NLRC3: variants seen among roughly 807,000 people sequenced by gnomAD.
The protein encoded by NLRC3 is NLR family CARD domain containing 3.
In NLRC3, 87 loss-of-function variants were observed where a neutral mutation model predicts 91.6. The observed-to-expected ratio is 0.95, with a 90% CI of 0.80 to 1.14. NLRC3 has a LOEUF of 1.14. NLRC3 is among the 50% of genes most tolerant of loss of function. The pLI is 0.00. For synonymous variants in NLRC3, 694 were observed against 625.3 expected, an observed-to-expected ratio of 1.11 and a Z score of -1.64; for missense variants, 1,577 against 1,418.6, an observed-to-expected ratio of 1.11 and a Z score of -1.79.
chr16:3,563,294 T>C lies in NLRC3; in HGVS notation c.1643A>G (p.Glu548Gly), dbSNP rs200600306. 1.5e-3 allele frequency: 2,468 copies of C among 1,602,686 alleles called. No homozygotes were observed. The highest frequency in any genetic ancestry group is 2.0e-3 in the Non-Finnish European group (2,319 of 1,175,498). Reference protein sequence around the residue: ...EHQAYRTQVAELLQGCLRPDA... With the variant: ...EHQAYRTQVAGLLQGCLRPDA... The stretch of plus-strand genomic sequence containing the variant: ...GGGGCGCAGGCAGCCCTGCAGGAGC[T>C]CAGCCACCTGGGTCCGGTAGGCCTG... Residue 548 changes from glutamate to glycine, a missense_variant, in exon 5 of 20, where the codon GAG (glutamate) becomes GGG (glycine). Transcript: ENST00000359128.
intron 6 of NLRC3, 36 bp downstream of exon 6, chr16:3,561,666 C>T (rs2039617403): frequency 6.9e-7 from 1 of 1,442,486 alleles, no homozygotes; most frequent in African/African-American, 1.4e-5. Context: ...CCCACAAGAC[C>T]ATAGGCACCC....
Position 3,544,347 on chromosome 16 carries a change from C to G in NLRC3, c.2772-18G>C. 1 of 1,591,274 alleles carries G rather than the reference C, an allele frequency of 6.3e-7. No individual in the cohort carries two copies. The highest frequency in any genetic ancestry group is 1.1e-5 in the South Asian group (1 of 90,668). ...CCTGTAAACTAGACACAGAGTATGA[C>G]CCCTTTGGGTGCACGGGGCACAGGG... is the stretch of plus-strand genomic sequence containing the variant. On this transcript the variant is annotated intron_variant, in intron 15 of 19. Transcript: ENST00000359128.
chr16:3,566,249 G>A (rs1352317400), intron 2 of NLRC3, among the ~76,000 whole-genome samples: 1 of 151,978 alleles, frequency 6.6e-6, no homozygotes, highest in African/African-American at 2.4e-5. Context: ...GTCTGGGTGG[G>A]GGCAGGCATG....
At chr16:3,576,949 C>T (rs1396384190) in intron 1 of NLRC3, among the ~76,000 whole-genome samples, 200 bp downstream of exon 1, 2 of 152,232 alleles carry the variant, frequency 1.3e-5, no homozygotes, top group African/African-American at 2.4e-5. Context: ...GGATTACAGG[C>T]GTGAGCCACC....
intron 10 of NLRC3, among the ~76,000 whole-genome samples, chr16:3,551,699 C>G (rs890951463): frequency 6.7e-6 from 1 of 149,966 alleles, no homozygotes; most frequent in Admixed American, 6.6e-5. Context: ...ACTCATTCAT[C>G]CACTCAGTCA....
intron 1 of NLRC3, among the ~76,000 whole-genome samples, chr16:3,574,229 G>A (rs556146058): frequency 4.6e-5 from 7 of 151,952 alleles, no homozygotes; most frequent in Admixed American, 1.3e-4. Context: ...TGGCCAGGCT[G>A]GTCTTGAACT....
At chr16:3,566,596 A>G (rs1272045184) in intron 2 of NLRC3, among the ~76,000 whole-genome samples, 3 of 152,200 alleles carry the variant, frequency 2.0e-5, no homozygotes, top group African/African-American at 4.8e-5. Context: ...GTGGCAGCAC[A>G]TGCCTGTAAT....
In NLRC3 at chr16:3,563,755, G is replaced by A. The variant is rs549237515; in HGVS notation, c.1182C>T (p.Arg394=). Residue 394 remains arginine, a synonymous_variant, in exon 5 of 20, where the codon CGC becomes CGT. Transcript: ENST00000359128. The part of the protein sequence containing the change: ...PRIEQVAHGG[R]KMVGTLGRLA... Reference sequence around the variant, plus strand: ...GACGGCCCAATGTCCCCACCATCTTGCGGCCACCATGGGCCACCTGCTCGA... The same window carrying A: ...GACGGCCCAATGTCCCCACCATCTTACGGCCACCATGGGCCACCTGCTCGA... 3 of 1,613,444 alleles carry A rather than the reference G, an allele frequency of 1.9e-6. No homozygotes were observed. The highest frequency in any genetic ancestry group is 1.3e-5 in the African/African-American group (1 of 75,076).
chr16:3,553,781 G>A (rs771694210), intron 9 of NLRC3, among the ~76,000 whole-genome samples: 5 of 149,134 alleles, frequency 3.4e-5, no homozygotes, highest in Non-Finnish European at 5.9e-5. Context: ...TCTCGCTGTC[G>A]CCCAGGCTGG....
intron 1 of NLRC3, among the ~76,000 whole-genome samples, chr16:3,575,937 T>A (rs2040273575): frequency 6.6e-6 from 1 of 152,110 alleles, no homozygotes; most frequent in East Asian, 1.9e-4. Flanking sequence ...CAGGACTCGG[T>A]TCTCTCGAGG....
chr16:3,548,351 C>G (rs1179344937), intron 14 of NLRC3, 133 bp from the exon 15 acceptor site: 3 of 734,264 alleles, frequency 4.1e-6, no homozygotes, highest in Non-Finnish European at 2.3e-6. Context: ...AACCCCTGCC[C>G]AGACTTAGTT....
At chr16:3,555,123 G>A (rs746287944) in intron 8 of NLRC3, among the ~76,000 whole-genome samples, 6 of 151,832 alleles carry the variant, frequency 4.0e-5, no homozygotes, top group Non-Finnish European at 5.9e-5. Flanking sequence ...CCAGCTACTC[G>A]GGAGGCTGAG....
chr16:3,570,926 T>C (rs10521060), intron 1 of NLRC3, among the ~76,000 whole-genome samples: 7,296 of 152,240 alleles, frequency 0.048, 234 homozygotes, highest in Middle Eastern at 0.071. Context: ...TTTTCTGATA[T>C]TGAACCAACC....
intron 1 of NLRC3, among the ~76,000 whole-genome samples, chr16:3,569,053 C>T (rs1179676279): frequency 2.0e-5 from 3 of 152,058 alleles, no homozygotes; most frequent in Admixed American, 6.6e-5. Context: ...GTGGCTCACA[C>T]CTATAATCCC....
rs74959751 is a variant in NLRC3, at chr16:3,552,045, C to T, written c.2351+151G>A. On this transcript the variant is annotated intron_variant, in intron 10 of 19. Transcript: ENST00000359128. ...TCCATTTACCTAGCCACCCATCCAC[C>T]TAGTCACCCATCCATCCATCCACCC... 7.5e-3 allele frequency: 4,504 copies of T among 604,318 alleles called. 112 individuals carry two copies. The highest frequency in any genetic ancestry group is 0.058 in the African/African-American group (3,119 of 53,726). 37.4% of individuals were successfully genotyped at this position (604,318 alleles called of 1,614,324 possible). A position where few individuals can be genotyped will look rare whatever the true frequency, so the allele number is the denominator to read the frequency against.
chr16:3,548,708 T>G lies in NLRC3; in HGVS notation c.2649A>C (p.Ala883=). Residue 883 remains alanine (A), a synonymous_variant, in exon 14 of 20, where the codon GCA becomes GCC. Coordinates refer to ENST00000359128, the MANE Select transcript of NLRC3 (RefSeq NM_178844.4). ...LLHDQGARAI[A]VAVRENRTLT... is the part of the protein sequence containing the mutation. ...GGGTGCGGTTTTCTCTCACTGCCAC[T>G]GCGATGGCCCGGGCACCCTGGTCGT... 1 of 1,603,038 alleles carries G rather than the reference T, an allele frequency of 6.2e-7. No homozygotes were observed. The highest frequency in any genetic ancestry group is 2.2e-5 in the East Asian group (1 of 44,554).
At position 3,552,265 on chromosome 16, in the gene NLRC3, C is replaced by A. The variant is rs367954536; in HGVS notation, c.2282G>T (p.Ser761Ile). 2 of 1,612,946 alleles carry A rather than the reference C, an allele frequency of 1.2e-6. No homozygotes were observed. Among genetic ancestry groups the A allele is most frequent in the Non-Finnish European group, 1.7e-6 (2 of 1,179,026 alleles). ...TLSMLHLQKN[S>I]IGPMGAQRMA... ...CCGCTGGGCTCCCATGGGCCCGATGCTGTTCTTCTGCAGGCTGTGGGAGAA... is the reference window on the plus strand; with the variant it reads ...CCGCTGGGCTCCCATGGGCCCGATGATGTTCTTCTGCAGGCTGTGGGAGAA... The change falls in exon 10 of 20, where the codon AGC becomes ATC. Residue 761 changes from serine to isoleucine, a missense_variant. Coordinates refer to ENST00000359128, the MANE Select transcript of NLRC3 (RefSeq NM_178844.4).
intron 1 of NLRC3, among the ~76,000 whole-genome samples, chr16:3,573,354 G>A (rs965379833): frequency 1.3e-5 from 2 of 152,048 alleles, no homozygotes; most frequent in African/African-American, 4.8e-5. Flanking sequence ...CTTAACTCCC[G>A]CCGTCAAGGC....
chr16:3,543,351 T>C (rs1430583158), intron 17 of NLRC3, 74 bp downstream of exon 17: 7 of 1,021,116 alleles, frequency 6.9e-6, no homozygotes, highest in East Asian at 2.6e-5. Flanking sequence ...GTAAACTTTG[T>C]CCCCATATCT....
Sources: allele counts gnomAD v4.1 joint callset (sites outside exome capture counted in the v4.1 genomes callset), GRCh38; gene constraint gnomAD v4.1.1; transcripts MANE v1.5; gene names NCBI Gene and HGNC (gene_info 2026-07-23, HGNC 2026-07-21).